The following SLIT1 variants were observed in gnomAD, a reference collection of about 807,000 sequenced individuals.
SLIT1 encodes slit homolog 1 protein.
In SLIT1, 66 loss-of-function variants were observed where a neutral mutation model predicts 186.1. The ratio of observed to expected loss-of-function variants is 0.35; its 90% CI spans 0.29 to 0.44. SLIT1 has a LOEUF of 0.44. Among genes scored for constraint, SLIT1 ranks in the 20% least tolerant of loss-of-function variants. The pLI is 1.00. For missense variants in SLIT1, 1,638 were observed against 2,037.4 expected (o/e 0.80, Z 3.77); for synonymous variants, 761 against 833.8 (o/e 0.91, Z 1.50).
At chr10:97,175,938 G>A (rs1038549591) in intron 1 of SLIT1, among the ~76,000 whole-genome samples, 1 of 152,170 alleles carries the variant, frequency 6.6e-6, no homozygotes, top group Non-Finnish European at 1.5e-5. Flanking sequence ...GTGCAGGCAG[G>A]AATCAATCAT....
At chr10:97,173,348 G>A (rs1850215543) in intron 1 of SLIT1, among the ~76,000 whole-genome samples, 1 of 152,180 alleles carries the variant, frequency 6.6e-6, no homozygotes, top group Admixed American at 6.5e-5. Flanking sequence ...TTGGAAGTAG[G>A]CATCTTTCAC....
rs890821929 is a variant in SLIT1, at chr10:97,040,064, G to A, written c.2221C>T (p.Leu741=). ...TTGCTGCATCGGACCACGGTGTCCA[G>A]GCAGGCGCACTCCTGTGGGCACTGT... The part of the protein sequence containing the change: ...RPQCPQECAC[L]DTVVRCSNKH... Residue 741 remains leucine, a synonymous_variant, in exon 21 of 37, where the codon CTG becomes TTG. Coordinates refer to ENST00000266058, the MANE Select transcript of SLIT1 (RefSeq NM_003061.3). The A allele has an allele frequency of 6.2e-7, 1 of 1,611,246 alleles. No individual in the cohort carries two copies. Among genetic ancestry groups the A allele is most frequent in the Middle Eastern group, 1.7e-4 (1 of 6,052 alleles).
chr10:97,112,794 AG>A (rs1849476582), intron 4 of SLIT1, among the ~76,000 whole-genome samples: 2 of 152,088 alleles, frequency 1.3e-5, no homozygotes, highest in African/African-American at 4.8e-5. Context: ...CCTTGGCTCA[AG>A]CAATCTTCCC....
chr10:97,143,546 G>T (rs1849786446), intron 4 of SLIT1, among the ~76,000 whole-genome samples: 1 of 152,196 alleles, frequency 6.6e-6, no homozygotes, highest in Non-Finnish European at 1.5e-5. Context: ...ACATGAATGT[G>T]AACATATTTA....
intron 1 of SLIT1, among the ~76,000 whole-genome samples, chr10:97,172,746 A>G (rs1850206789): frequency 6.6e-6 from 1 of 151,994 alleles, no homozygotes; most frequent in Non-Finnish European, 1.5e-5. Flanking sequence ...AACAAAGAAA[A>G]TTTTATTTTA....
intron 4 of SLIT1, among the ~76,000 whole-genome samples, chr10:97,081,012 G>T (rs1325534365): frequency 1.3e-5 from 2 of 152,212 alleles, no homozygotes; most frequent in Non-Finnish European, 2.9e-5. Context: ...GGGTTTTAGG[G>T]TATTTTGAAG....
intron 10 of SLIT1, among the ~76,000 whole-genome samples, 189 bp from the exon 11 acceptor site, chr10:97,059,720 C>T (rs758790736): frequency 3.9e-5 from 6 of 152,274 alleles, no homozygotes; most frequent in Admixed American, 2.6e-4. Flanking sequence ...AGTCTGAGGG[C>T]TGGGCAGGAG....
intron 31 of SLIT1, among the ~76,000 whole-genome samples, chr10:97,007,433 C>T (rs541641007): frequency 1.6e-4 from 24 of 152,268 alleles, no homozygotes; most frequent in Middle Eastern, 3.4e-3. Context: ...CTTTCTAACT[C>T]ATTCTATGAG....
chr10:97,117,976 G>A (rs1849523964), intron 4 of SLIT1, among the ~76,000 whole-genome samples: 1 of 152,144 alleles, frequency 6.6e-6, no homozygotes, highest in Non-Finnish European at 1.5e-5. Context: ...GAAGGTCAGG[G>A]GTAAGGCTCT....
At chr10:97,176,326 C>T (rs1850255530) in intron 1 of SLIT1, among the ~76,000 whole-genome samples, 1 of 152,162 alleles carries the variant, frequency 6.6e-6, no homozygotes, top group East Asian at 1.9e-4. Context: ...ACGACCACGA[C>T]CACAGCCACC....
intron 4 of SLIT1, among the ~76,000 whole-genome samples, chr10:97,070,943 C>T (rs1848996349): frequency 6.6e-6 from 1 of 152,210 alleles, no homozygotes; most frequent in African/African-American, 2.4e-5. Flanking sequence ...CCTCAGCCTT[C>T]TGAGTAGCTG....
intron 4 of SLIT1, among the ~76,000 whole-genome samples, chr10:97,087,791 G>C (rs1268916318): frequency 2.0e-5 from 3 of 152,054 alleles, no homozygotes; most frequent in African/African-American, 4.8e-5. Flanking sequence ...CTGGGCGCTG[G>C]GGGGATGGAG....
intron 4 of SLIT1, among the ~76,000 whole-genome samples, chr10:97,149,916 A>G (rs904588236): frequency 1.3e-5 from 2 of 152,194 alleles, no homozygotes; most frequent in African/African-American, 4.8e-5. Flanking sequence ...TATGGCGCAC[A>G]TTAGCGTGTT....
intron 4 of SLIT1, chr10:97,154,126 T>C (rs1247504548): frequency 6.6e-6 from 1 of 152,246 alleles, no homozygotes; most frequent in Admixed American, 6.5e-5. Flanking sequence ...GCAGGGCGGA[T>C]GCGTACACAG....
intron 4 of SLIT1, among the ~76,000 whole-genome samples, chr10:97,071,504 G>A (rs1849001051): frequency 6.6e-6 from 1 of 152,148 alleles, no homozygotes; most frequent in Non-Finnish European, 1.5e-5. Flanking sequence ...TTTGCTTATC[G>A]ATTTAGACCC....
chr10:97,052,634 A>G (rs1423341668), intron 13 of SLIT1, among the ~76,000 whole-genome samples: 1 of 152,234 alleles, frequency 6.6e-6, no homozygotes, highest in African/African-American at 2.4e-5. Flanking sequence ...TTATACCTCA[A>G]TAGAGCTGTT....
intron 1 of SLIT1, among the ~76,000 whole-genome samples, chr10:97,178,847 T>C (rs965593758): frequency 9.9e-5 from 15 of 152,124 alleles, no homozygotes; most frequent in Non-Finnish European, 1.9e-4. Context: ...TTGTGATGTT[T>C]GCACAAGTCC....
intron 4 of SLIT1, among the ~76,000 whole-genome samples, chr10:97,082,938 G>C (rs1327009254): frequency 2.0e-5 from 3 of 150,990 alleles, no homozygotes; most frequent in East Asian, 3.9e-4. Flanking sequence ...ATAGAGACAG[G>C]GTCTTACTCT....
chr10:97,018,457 G>A (rs1168985724), intron 28 of SLIT1, 129 bp downstream of exon 28: 14 of 607,468 alleles, frequency 2.3e-5, no homozygotes, highest in Admixed American at 3.2e-5. Context: ...GCCTGCCCCC[G>A]ACAGTGCGCC....
Sources: gnomAD v4.1 joint callset for allele counts (sites outside exome capture counted in the v4.1 genomes callset) on GRCh38, gnomAD v4.1.1 for gene constraint, MANE v1.5 for transcripts, NCBI Gene and HGNC (gene_info 2026-07-23, HGNC 2026-07-21) for gene names.